Variants in NRG3 observed in about 807,000 individuals in gnomAD.
NRG3 encodes pro-neuregulin-3, membrane-bound isoform.
Under a neutral mutation model 66.9 loss-of-function variants are expected in NRG3, and 31 were observed. The observed-to-expected ratio is 0.46, with a 90% CI of 0.35 to 0.63. The LOEUF (loss-of-function observed/expected upper bound fraction) is 0.63, where lower values mean the gene tolerates loss of function less well. Ranked by LOEUF, NRG3 falls within the 20% of genes least tolerant of loss-of-function variation. The pLI, the probability that NRG3 is intolerant of heterozygous loss-of-function variation, is 0.00. For synonymous variants in NRG3, 393 were observed against 359.4 expected, an observed-to-expected ratio of 1.09 and a Z score of -1.06; for missense variants, 910 against 878.9, an observed-to-expected ratio of 1.04 and a Z score of -0.45.
intron 2 of NRG3, among the ~76,000 whole-genome samples, chr10:82,699,278 A>G (rs938601116): frequency 1.0e-4 from 15 of 143,476 alleles, no homozygotes; most frequent in African/African-American, 4.0e-4. Flanking sequence ...GAAGGAAGGA[A>G]GCAAGGGAGG....
Position 82,501,029 on chromosome 10 carries a change from A to G in NRG3, c.953+142161A>G, listed in dbSNP as rs372110922. ...TGAACTTTGCTAAGAGGGAAAATTA[A>G]TAAATTTAATTTGAACATATTGTGT... is the stretch of plus-strand genomic sequence containing the variant. On this transcript the variant is annotated intron_variant, in intron 2 of 8. Transcript: ENST00000372141. Among the ~76,000 whole-genome samples the G allele has an allele frequency of 3.9e-5, 6 of 152,266 alleles. 1 individual carries two copies. The highest frequency in any genetic ancestry group is 2.4e-5 in the African/African-American group (1 of 41,558).
intron 1 of NRG3, among the ~76,000 whole-genome samples, chr10:81,983,045 A>G (rs7908487): frequency 0.013 from 2,030 of 152,298 alleles, 55 homozygotes; most frequent in African/African-American, 0.046. Context: ...CAGGAGGGCT[A>G]TGTAGACTGT....
At chr10:82,049,619 AG>A (rs1339943015) in intron 1 of NRG3, among the ~76,000 whole-genome samples, 8 of 151,932 alleles carry the variant, frequency 5.3e-5, no homozygotes, top group Non-Finnish European at 1.2e-4. Context: ...TTTTTATGTG[AG>A]ATTTTTGTGT....
chr10:82,758,760 A>G (rs1330998232), intron 3 of NRG3, among the ~76,000 whole-genome samples: 2 of 152,058 alleles, frequency 1.3e-5, no homozygotes, highest in Non-Finnish European at 2.9e-5. Flanking sequence ...AGGCACTTCT[A>G]TATCAGCATG....
intron 1 of NRG3, among the ~76,000 whole-genome samples, chr10:82,055,005 C>T (rs2063766351): frequency 6.6e-6 from 1 of 150,916 alleles, no homozygotes; most frequent in Non-Finnish European, 1.5e-5. Context: ...GCACAAGACT[C>T]TGTCTCTCTT....
At chr10:81,880,765 C>T (rs2132469234) in intron 1 of NRG3, among the ~76,000 whole-genome samples, 1 of 152,310 alleles carries the variant, frequency 6.6e-6, no homozygotes, top group Middle Eastern at 3.4e-3. Context: ...AAATCTAAGT[C>T]TGTAAAATGC....
rs115379249 is a variant in NRG3, at chr10:82,960,411, A to G, written c.1284+1336A>G. On this transcript the variant is annotated intron_variant, in intron 6 of 8. Transcript: ENST00000372141. ...TGATGAGGATAGATTCTAATCAGTA[A>G]CATGTTAGTGGAATAGTTGAACTGA... Among the ~76,000 whole-genome samples the G allele has an allele frequency of 2.5e-3, 387 of 152,272 alleles. 1 individual carries two copies. The highest frequency in any genetic ancestry group is 8.8e-3 in the African/African-American group (364 of 41,546).
At chr10:82,897,662 A>G (rs1564612867) in intron 4 of NRG3, among the ~76,000 whole-genome samples, 1 of 151,806 alleles carries the variant, frequency 6.6e-6, no homozygotes, top group East Asian at 1.9e-4. Context: ...GGGATTATAG[A>G]TGTGCGCCAC....
At chr10:82,052,030 G>T (rs1034038925) in intron 1 of NRG3, among the ~76,000 whole-genome samples, 1 of 102,870 alleles carries the variant, frequency 9.7e-6, no homozygotes, top group African/African-American at 3.3e-5. Context: ...TACCGCATTA[G>T]ATTTTTTTTT....
chr10:82,957,523 C>A (rs988265523), intron 5 of NRG3, among the ~76,000 whole-genome samples: 7 of 151,760 alleles, frequency 4.6e-5, no homozygotes, highest in East Asian at 1.9e-4. Context: ...CAAATAGAGC[C>A]GGAGAAGGAC....
intron 1 of NRG3, among the ~76,000 whole-genome samples, chr10:82,255,673 GCTCA>G (rs2077689611): frequency 6.6e-6 from 1 of 151,846 alleles, no homozygotes; most frequent in South Asian, 2.1e-4. Context: ...CATGATCTCA[GCTCA>G]CTGCAACCTC....
At position 82,669,700 on chromosome 10, in the gene NRG3, G is replaced by A. The variant is rs368768895; in HGVS notation, c.954-68877G>A. 2.6e-4 allele frequency among the ~76,000 whole-genome samples: 39 copies of A among 152,134 alleles called. No individual in the cohort carries two copies. The South Asian group carries it at 2.9e-3, about 11-fold the overall frequency. On this transcript the variant is annotated intron_variant, in intron 2 of 8. Transcript: ENST00000372141. ...TCCCAGCACTTTGGGAGGCCGAGGCGGGTGGATCACGAGGTCAGGAGATCG... is the reference window on the plus strand; with the variant it reads ...TCCCAGCACTTTGGGAGGCCGAGGCAGGTGGATCACGAGGTCAGGAGATCG...
At chr10:82,826,846 A>G (rs1564540505) in intron 3 of NRG3, among the ~76,000 whole-genome samples, 1 of 152,080 alleles carries the variant, frequency 6.6e-6, no homozygotes, top group African/African-American at 2.4e-5. Flanking sequence ...CTTGTACACC[A>G]AATCCCAGAG....
At chr10:81,924,009 A>C (rs532977358) in intron 1 of NRG3, among the ~76,000 whole-genome samples, 30 of 152,264 alleles carry the variant, frequency 2.0e-4, no homozygotes, top group African/African-American at 7.2e-4. Flanking sequence ...TTGTAGGATG[A>C]ATGCTGAGTG....
intron 1 of NRG3, among the ~76,000 whole-genome samples, chr10:82,246,766 A>T (rs1217134198): frequency 6.7e-6 from 1 of 149,164 alleles, no homozygotes; most frequent in South Asian, 2.1e-4. Flanking sequence ...ATTTAGAAGG[A>T]GTTTTTTTTT....
chr10:82,493,711 C>A (rs1203530636), intron 2 of NRG3, among the ~76,000 whole-genome samples: 2 of 152,012 alleles, frequency 1.3e-5, no homozygotes, highest in Admixed American at 6.6e-5. Context: ...ATGAAAGTGC[C>A]AAAAGCAATT....
At chr10:82,642,141 T>C (rs1456747964) in intron 2 of NRG3, among the ~76,000 whole-genome samples, 4 of 152,190 alleles carry the variant, frequency 2.6e-5, no homozygotes, top group Admixed American at 2.6e-4. Flanking sequence ...GATAATGGCC[T>C]ACAGTTCCAT....
intron 8 of NRG3, among the ~76,000 whole-genome samples, chr10:82,984,466 C>T (rs544014848): frequency 1.3e-5 from 2 of 152,284 alleles, no homozygotes; most frequent in South Asian, 2.1e-4. Context: ...GAATTGTTAG[C>T]CTCCCATTCC....
intron 1 of NRG3, among the ~76,000 whole-genome samples, chr10:82,044,255 C>A (rs2347334): frequency 6.6e-6 from 1 of 151,962 alleles, no homozygotes; most frequent in Non-Finnish European, 1.5e-5. Flanking sequence ...TTCCAACTCT[C>A]TCACTGTAGT....
Sources: allele counts gnomAD v4.1 joint callset (sites outside exome capture counted in the v4.1 genomes callset), GRCh38; gene constraint gnomAD v4.1.1; transcripts MANE v1.5; gene names NCBI Gene and HGNC (gene_info 2026-07-23, HGNC 2026-07-21).